SUMF1: variants seen among roughly 807,000 people sequenced by gnomAD.
SUMF1 encodes formylglycine-generating enzyme.
SUMF1 carries 48 observed loss-of-function variants against 47.6 expected under a neutral mutation model. That is an observed-to-expected ratio of 1.01 (90% CI 0.80 to 1.28). The LOEUF (loss-of-function observed/expected upper bound fraction) is 1.28, where lower values mean the gene tolerates loss of function less well. Among genes scored for constraint, SUMF1 ranks in the 50% most tolerant of loss-of-function variants. The probability of loss-of-function intolerance (pLI) is 0.00; values close to 1 mark genes in which losing one functional copy is unlikely to be tolerated. For synonymous variants in SUMF1, 230 were observed against 192.1 expected, an observed-to-expected ratio of 1.20 and a Z score of -1.63; for missense variants, 571 against 485.4, an observed-to-expected ratio of 1.18 and a Z score of -1.66.
intron 8 of SUMF1, among the ~76,000 whole-genome samples, chr3:4,083,148 G>A (rs1003692705): frequency 6.6e-6 from 1 of 152,072 alleles, no homozygotes; most frequent in South Asian, 2.1e-4. Flanking sequence ...CCATCTGCTG[G>A]GATGCAGCTG....
At chr3:4,317,115 C>G (rs1383104262) in intron 8 of SUMF1, 1 of 1,544,602 alleles carries the variant, frequency 6.5e-7, no homozygotes, top group South Asian at 1.2e-5. Context: ...CTTCCACAAC[C>G]AGCAGGATGC....
chr3:4,456,985 T>C (rs1202052796), intron 1 of SUMF1, among the ~76,000 whole-genome samples: 5 of 148,738 alleles, frequency 3.4e-5, no homozygotes, highest in African/African-American at 1.2e-4. Context: ...TGTGTATATA[T>C]ATATACGTGT....
intron 7 of SUMF1, among the ~76,000 whole-genome samples, chr3:4,383,390 A>C (rs919777330): frequency 6.6e-6 from 1 of 152,212 alleles, no homozygotes; most frequent in Non-Finnish European, 1.5e-5. Flanking sequence ...AAAATAAATA[A>C]ATAAATAAAA....
At chr3:4,109,231 T>A (rs1693232784) in intron 8 of SUMF1, among the ~76,000 whole-genome samples, 1 of 152,102 alleles carries the variant, frequency 6.6e-6, no homozygotes, top group Admixed American at 6.5e-5. Flanking sequence ...ATTCTTTTCT[T>A]TAAGAATGTT....
chr3:4,169,815 A>C (rs1694793322), intron 8 of SUMF1, among the ~76,000 whole-genome samples: 1 of 152,222 alleles, frequency 6.6e-6, no homozygotes, highest in Non-Finnish European at 1.5e-5. Context: ...GTATAGTATC[A>C]GGCATTAAGG....
chr3:4,037,851 G>C (rs571252481), intron 9 of SUMF1, among the ~76,000 whole-genome samples: 7 of 152,234 alleles, frequency 4.6e-5, no homozygotes, highest in African/African-American at 1.7e-4. Context: ...GTGTTCACAG[G>C]GCCAAGGCTT....
intron 8 of SUMF1, among the ~76,000 whole-genome samples, chr3:4,351,542 T>C (rs1023181318): frequency 1.3e-5 from 2 of 152,224 alleles, no homozygotes; most frequent in African/African-American, 4.8e-5. Context: ...TATTTGTGCC[T>C]GGAACGAATG....
intron 8 of SUMF1, among the ~76,000 whole-genome samples, chr3:4,074,265 G>A (rs915931247): frequency 1.3e-5 from 2 of 152,150 alleles, no homozygotes; most frequent in African/African-American, 4.8e-5. Context: ...AATGAAGGCA[G>A]AAATAAAGAT....
rs549926733 is a variant in SUMF1, at chr3:4,408,791, C to A, written c.954+2074G>T. On this transcript the variant is annotated intron_variant, in intron 7 of 8. Coordinates refer to ENST00000272902, the MANE Select transcript of SUMF1 (RefSeq NM_182760.4). The stretch of plus-strand genomic sequence containing the variant: ...TTTGAGACCAGTCTGGCCAAAATGG[C>A]GAAACCCCGTTTCTACTAAAAATAC... Among the ~76,000 whole-genome samples the A allele has an allele frequency of 5.9e-5, 9 of 151,904 alleles. No individual in the cohort carries two copies. The East Asian group carries it at 1.4e-3, about 23-fold the overall frequency.
At chr3:4,290,692 C>G (rs1480783966) in intron 8 of SUMF1, among the ~76,000 whole-genome samples, 1 of 152,112 alleles carries the variant, frequency 6.6e-6, no homozygotes, top group Non-Finnish European at 1.5e-5. Flanking sequence ...TCCATGCTGC[C>G]TTATCTGGTT....
At chr3:4,198,673 G>A (rs1188881407) in intron 8 of SUMF1, among the ~76,000 whole-genome samples, 1 of 152,022 alleles carries the variant, frequency 6.6e-6, no homozygotes, top group Admixed American at 6.6e-5. Context: ...TTCTTCTGGT[G>A]TGCTCAGCTG....
At chr3:4,188,736 C>A (rs1449838835) in intron 8 of SUMF1, among the ~76,000 whole-genome samples, 1 of 152,044 alleles carries the variant, frequency 6.6e-6, no homozygotes, top group Non-Finnish European at 1.5e-5. Context: ...TTTTCCTTGT[C>A]TATAAAATGG....
At chr3:4,223,155 T>C (rs1039210117) in intron 8 of SUMF1, among the ~76,000 whole-genome samples, 2 of 152,182 alleles carry the variant, frequency 1.3e-5, no homozygotes, top group African/African-American at 2.4e-5. Flanking sequence ...CTTTTACTAA[T>C]AGCATCAGCT....
chr3:4,209,391 A>G (rs1031204296), intron 8 of SUMF1, among the ~76,000 whole-genome samples: 1 of 152,198 alleles, frequency 6.6e-6, no homozygotes, highest in Non-Finnish European at 1.5e-5. Context: ...CTGGTAGTTG[A>G]ACCTTAATCA....
intron 1 of SUMF1, among the ~76,000 whole-genome samples, chr3:4,453,523 T>C (rs1194129219): frequency 1.3e-5 from 2 of 149,324 alleles, no homozygotes; most frequent in Non-Finnish European, 3.0e-5. Flanking sequence ...TGTGCCACCA[T>C]GCCCAACTAA....
chr3:4,257,469 A>G (rs1251909159), intron 8 of SUMF1, among the ~76,000 whole-genome samples: 1 of 151,016 alleles, frequency 6.6e-6, no homozygotes, highest in African/African-American at 2.4e-5. Context: ...CACCAACAAC[A>G]GACAAACAGA....
intron 8 of SUMF1, among the ~76,000 whole-genome samples, chr3:4,363,995 T>C (rs1242517094): frequency 7.1e-6 from 1 of 140,594 alleles, no homozygotes; most frequent in Non-Finnish European, 1.5e-5. Context: ...GTGGTTTTTG[T>C]CTTTGGTTCT....
At chr3:4,459,315 ATTAT>A (rs753100591) in intron 1 of SUMF1, among the ~76,000 whole-genome samples, 6 of 152,190 alleles carry the variant, frequency 3.9e-5, no homozygotes, top group Non-Finnish European at 7.3e-5. Context: ...TTATTATAAA[ATTAT>A]TTGTCAATTA....
At chr3:4,374,449 T>C (rs1467478090) in intron 8 of SUMF1, among the ~76,000 whole-genome samples, 1 of 152,178 alleles carries the variant, frequency 6.6e-6, no homozygotes, top group African/African-American at 2.4e-5. Flanking sequence ...AAAATGTAGA[T>C]TACAAATAAG....
Sources: gnomAD v4.1 joint callset for allele counts (sites outside exome capture counted in the v4.1 genomes callset) on GRCh38, gnomAD v4.1.1 for gene constraint, MANE v1.5 for transcripts, NCBI Gene and HGNC (gene_info 2026-07-23, HGNC 2026-07-21) for gene names.